Variants in TRIM55 observed in about 807,000 individuals in gnomAD.
TRIM55 encodes tripartite motif containing 55.
TRIM55 carries 50 observed loss-of-function variants against 60.9 expected under a neutral mutation model. The ratio of observed to expected loss-of-function variants is 0.82; its 90% confidence interval spans 0.65 to 1.04. The LOEUF (loss-of-function observed/expected upper bound fraction) is 1.04, where lower values mean the gene tolerates loss of function less well. Ranked by LOEUF, TRIM55 falls within the 50% of genes least tolerant of loss-of-function variation. The pLI is 0.00. For missense variants in TRIM55, 681 were observed against 666.9 expected, an observed-to-expected ratio of 1.02 and a Z score of -0.23; for synonymous variants, 237 against 238.1, an observed-to-expected ratio of 1.00 and a Z score of 0.04.
chr8:66,143,582 G>T lies in TRIM55; in HGVS notation c.604-6063G>T, dbSNP rs533610665. 3.5e-4 allele frequency among the ~76,000 whole-genome samples: 50 copies of T among 144,156 alleles called. No homozygotes were observed. In the South Asian group the frequency reaches 8.5e-3, roughly 25 times the overall value. The allele number at this position is 144,156 out of a possible 152,430, so 94.6% of individuals were successfully genotyped here. A position where few individuals can be genotyped will look rare whatever the true frequency, so the allele number is the denominator to read the frequency against. On this transcript the variant is annotated intron_variant, in intron 4 of 9. Transcript: ENST00000315962. Reference sequence around the variant, plus strand: ...ATTTTACTGGTTTCTTGGTTTTTGGGTTTTTTTTTTTTTAACACTGAATGA... The same window carrying T: ...ATTTTACTGGTTTCTTGGTTTTTGGTTTTTTTTTTTTTTAACACTGAATGA...
chr8:66,129,748 T>A (rs967058644), intron 2 of TRIM55, among the ~76,000 whole-genome samples: 1 of 152,226 alleles, frequency 6.6e-6, no homozygotes, highest in African/African-American at 2.4e-5. Context: ...AAAAACCAAT[T>A]AATTATGAGA....
chr8:66,139,526 G>A (rs1358812860), intron 4 of TRIM55, among the ~76,000 whole-genome samples: 3 of 152,208 alleles, frequency 2.0e-5, no homozygotes, highest in Admixed American at 1.3e-4. Context: ...TGACAAGAAG[G>A]AACAGGTTTG....
upstream of TRIM55, among the ~76,000 whole-genome samples, chr8:66,125,849 C>T (rs1808799854): frequency 1.3e-5 from 2 of 152,234 alleles, no homozygotes; most frequent in South Asian, 4.1e-4. Context: ...TTAATTCACA[C>T]CAGGGATATG....
At chr8:66,164,072 G>A (rs201050210) in intron 9 of TRIM55, among the ~76,000 whole-genome samples, 1 of 151,922 alleles carries the variant, frequency 6.6e-6, no homozygotes, top group East Asian at 1.9e-4. Context: ...GCTGAAATGG[G>A]TAGAGAGAGG....
intron 2 of TRIM55, 108 bp downstream of exon 2, chr8:66,128,584 T>C: frequency 8.0e-7 from 1 of 1,251,856 alleles, no homozygotes; most frequent in Non-Finnish European, 1.1e-6. Flanking sequence ...TCACAGACTG[T>C]TTTATGGAAA....
At chr8:66,118,168 C>CAAA in the TRIM55 span, among the ~76,000 whole-genome samples, 156 of 39,886 alleles carry the variant, frequency 3.9e-3, 28 homozygotes, top group East Asian at 0.03. Flanking sequence ...GACTCCGTCT[C>CAAA]AAAAAAAAAA....
rs527948024 is a variant in TRIM55, at chr8:66,155,985, A to G, written c.1524+1651A>G. 9.2e-5 allele frequency among the ~76,000 whole-genome samples: 14 copies of G among 152,366 alleles called. No individual in the cohort carries two copies. The South Asian group carries it at 2.1e-3, about 23-fold the overall frequency. ...TCCATGGGCAATTATTCAGTAATCCAGGAGGAGCAAACCCTCCAGAATGGT... is the reference window on the plus strand; with the variant it reads ...TCCATGGGCAATTATTCAGTAATCCGGGAGGAGCAAACCCTCCAGAATGGT... On this transcript the variant is annotated intron_variant, in intron 9 of 9. Coordinates refer to ENST00000315962, the MANE Select transcript of TRIM55 (RefSeq NM_184085.2).
upstream of TRIM55, chr8:66,126,988 C>T (rs1586161261): frequency 1.3e-5 from 4 of 317,660 alleles, no homozygotes; most frequent in East Asian, 2.3e-4. Context: ...ACTCTCTTCA[C>T]TCCCTGGGGC....
At chr8:66,116,465 C>T in the TRIM55 span, among the ~76,000 whole-genome samples, 1 of 151,488 alleles carries the variant, frequency 6.6e-6, no homozygotes, top group Non-Finnish European at 1.5e-5. Flanking sequence ...AAAGTAGCTG[C>T]GTGCGGTGGC....
the TRIM55 span, among the ~76,000 whole-genome samples, chr8:66,119,102 A>G: frequency 2.6e-5 from 4 of 152,228 alleles, no homozygotes; most frequent in African/African-American, 9.6e-5. Flanking sequence ...CTAGTGCTCC[A>G]GCCCAACTAA....
In TRIM55 at chr8:66,143,217, T is replaced by C. The variant is rs1383672412; in HGVS notation, c.603+6027T>C. 2.6e-5 allele frequency among the ~76,000 whole-genome samples: 4 copies of C among 152,344 alleles called. No homozygotes were observed. In the South Asian group the frequency reaches 8.3e-4, roughly 32 times the overall value. On this transcript the variant is annotated intron_variant, in intron 4 of 9. Coordinates refer to ENST00000315962, the MANE Select transcript of TRIM55 (RefSeq NM_184085.2). ...GCTCTATTTTGGTCACAGAGCTGTG[T>C]TCCTTACATGGTAAGAGCAGTGGTC...
At chr8:66,143,517 G>A (rs570947231) in intron 4 of TRIM55, among the ~76,000 whole-genome samples, 1 of 151,598 alleles carries the variant, frequency 6.6e-6, no homozygotes, top group East Asian at 1.9e-4. Flanking sequence ...ACTAACAACT[G>A]TCCTGAGGTT....
chr8:66,122,850 G>A (rs1353750700), upstream of TRIM55, among the ~76,000 whole-genome samples: 1 of 152,140 alleles, frequency 6.6e-6, no homozygotes, highest in Non-Finnish European at 1.5e-5. Flanking sequence ...TCTGACTCTA[G>A]TATAGCATCG....
At chr8:66,120,218 TA>T in the TRIM55 span, among the ~76,000 whole-genome samples, 1 of 152,240 alleles carries the variant, frequency 6.6e-6, no homozygotes, top group Non-Finnish European at 1.5e-5. Context: ...AAAATAATTT[TA>T]GCATCCCTTT....
chr8:66,150,324 A>G lies in TRIM55; in HGVS notation c.861-18A>G. ...ATTTTCAACAGTGACAGAAAGTGGCAACTTGTCTTTGTTGCAGAATCTCGG... is the reference window on the plus strand; with the variant it reads ...ATTTTCAACAGTGACAGAAAGTGGCGACTTGTCTTTGTTGCAGAATCTCGG... On this transcript the variant is annotated intron_variant, in intron 6 of 9. Coordinates refer to ENST00000315962, the MANE Select transcript of TRIM55 (RefSeq NM_184085.2). 1 of 1,614,178 alleles carries G rather than the reference A, an allele frequency of 6.2e-7. No individual in the cohort carries two copies. Among genetic ancestry groups the G allele is most frequent in the Non-Finnish European group, 8.5e-7 (1 of 1,179,998 alleles).
the TRIM55 span, among the ~76,000 whole-genome samples, chr8:66,113,932 T>TAA: frequency 6.6e-6 from 1 of 151,870 alleles, no homozygotes; most frequent in African/African-American, 2.4e-5. Flanking sequence ...ACACGAAGCC[T>TAA]AAAAATGACA....
chr8:66,127,082 A>G, upstream of TRIM55: 1 of 554,832 alleles, frequency 1.8e-6, no homozygotes, highest in Non-Finnish European at 3.2e-6. Context: ...GCCCACCGTC[A>G]CGTGACCGCA....
chr8:66,140,336 A>T (rs1276839126), intron 4 of TRIM55, among the ~76,000 whole-genome samples: 1 of 152,240 alleles, frequency 6.6e-6, no homozygotes, highest in Non-Finnish European at 1.5e-5. Context: ...TCCCTTATGT[A>T]TTCCTGTATT....
At chr8:66,129,033 T>C (rs1376982157) in intron 2 of TRIM55, among the ~76,000 whole-genome samples, 1 of 152,150 alleles carries the variant, frequency 6.6e-6, no homozygotes, top group Admixed American at 6.5e-5. Flanking sequence ...ACCCTGGCCT[T>C]TAGGGACTTA....
Sources: allele counts gnomAD v4.1 joint callset (sites outside exome capture counted in the v4.1 genomes callset), GRCh38; gene constraint gnomAD v4.1.1; transcripts MANE v1.5; gene names NCBI Gene and HGNC (gene_info 2026-07-23, HGNC 2026-07-21).